Variants in CPAP observed in about 807,000 individuals in gnomAD.
CPAP encodes centrosome assembly and centriole elongation protein.
the CPAP span, among the ~76,000 whole-genome samples, chr13:24,898,953 G>A: frequency 2.0e-5 from 3 of 152,054 alleles, no homozygotes; most frequent in African/African-American, 7.2e-5. Context: ...TTTTTTTCTA[G>A]AAGGTTTATA....
At chr13:24,909,824 A>T in the CPAP span, 173 of 1,613,350 alleles carry the variant, frequency 1.1e-4, no homozygotes, top group Non-Finnish European at 1.1e-4. Context: ...CTTTTAAATT[A>T]TTTTTTTCCA....
the CPAP span, among the ~76,000 whole-genome samples, chr13:24,915,675 G>A: frequency 6.6e-6 from 1 of 152,010 alleles, no homozygotes; most frequent in Admixed American, 6.5e-5. Context: ...TGTGGTGGCG[G>A]GAGCCTGTAA....
chr13:24,901,251 T>C, the CPAP span, among the ~76,000 whole-genome samples: 1 of 152,312 alleles, frequency 6.6e-6, no homozygotes, highest in South Asian at 2.1e-4. Context: ...GAAAGTTAAA[T>C]ATCCTGATAA....
chr13:24,918,849 T>C, the CPAP span, among the ~76,000 whole-genome samples: 1 of 151,934 alleles, frequency 6.6e-6, no homozygotes, highest in Admixed American at 6.6e-5. Flanking sequence ...GTGACAGAAG[T>C]GGAAGAAAAT....
the CPAP span, among the ~76,000 whole-genome samples, chr13:24,895,128 C>A: frequency 6.6e-6 from 1 of 152,236 alleles, no homozygotes; most frequent in Admixed American, 6.5e-5. Flanking sequence ...GGGAAGAAAG[C>A]GCAGAAGCCA....
chr13:24,912,472 G>T, the CPAP span: 1 of 912,070 alleles, frequency 1.1e-6, no homozygotes, highest in Non-Finnish European at 1.7e-6. Flanking sequence ...GGTATTCTGA[G>T]GATTTCAGAG....
chr13:24,932,638 T>C, the CPAP span, among the ~76,000 whole-genome samples: 2 of 152,230 alleles, frequency 1.3e-5, no homozygotes, highest in South Asian at 2.1e-4. Context: ...TAGAATTATA[T>C]ACAAAAACCC....
At chr13:24,883,407 A>AAAT in the CPAP span, 6 of 1,453,026 alleles carry the variant, frequency 4.1e-6, no homozygotes, top group East Asian at 7.4e-5. Context: ...CTTAAAAAAA[A>AAAT]AATAATAGAA....
chr13:24,882,695 A>ATAAT, the CPAP span: 1 of 158,692 alleles, frequency 6.3e-6, no homozygotes, highest in African/African-American at 2.4e-5. Context: ...TTCTGTTATA[A>ATAAT]TAATTAATGA....
chr13:24,885,288 A>G, the CPAP span: 4 of 1,599,390 alleles, frequency 2.5e-6, no homozygotes, highest in Non-Finnish European at 3.4e-6. Context: ...TTCCATCAGG[A>G]TGACTGATTT....
chr13:24,900,432 T>G, the CPAP span, among the ~76,000 whole-genome samples: 3 of 152,194 alleles, frequency 2.0e-5, no homozygotes, highest in African/African-American at 7.2e-5. Context: ...GAGCTGGACC[T>G]GAGGTCAGGA....
chr13:24,907,930 AG>A, the CPAP span: 1 of 994,898 alleles, frequency 1.0e-6, no homozygotes, highest in Non-Finnish European at 1.6e-6. Flanking sequence ...AGAAAAATAT[AG>A]ATCTTTCAAA....
At chr13:24,915,367 T>G in the CPAP span, among the ~76,000 whole-genome samples, 1 of 152,086 alleles carries the variant, frequency 6.6e-6, no homozygotes, top group South Asian at 2.1e-4. Flanking sequence ...ATAGAGACAC[T>G]GGGTCAGCAG....
the CPAP span, among the ~76,000 whole-genome samples, chr13:24,922,087 CAT>C: frequency 3.3e-5 from 5 of 152,164 alleles, no homozygotes; most frequent in Admixed American, 6.5e-5. Context: ...TGCATTTAAA[CAT>C]GTGCCATTTT....
the CPAP span, among the ~76,000 whole-genome samples, chr13:24,933,904 T>C: frequency 6.8e-6 from 1 of 146,424 alleles, no homozygotes; most frequent in African/African-American, 2.8e-5. Flanking sequence ...TTTGTACTTT[T>C]AGTAGAGACA....
At chr13:24,902,439 T>C in the CPAP span, among the ~76,000 whole-genome samples, 11 of 152,300 alleles carry the variant, frequency 7.2e-5, no homozygotes, top group East Asian at 1.4e-3. Context: ...ACAGTATGTA[T>C]CAGCTGAAAA....
At chr13:24,908,619 C>T in the CPAP span, among the ~76,000 whole-genome samples, 3,220 of 72,460 alleles carry the variant, frequency 0.044, 53 homozygotes, top group South Asian at 0.078. Context: ...AAAATAAAGA[C>T]ACTTGACATT....
the CPAP span, chr13:24,933,162 T>C: frequency 1.3e-6 from 2 of 1,498,110 alleles, no homozygotes; most frequent in Non-Finnish European, 9.3e-7. Flanking sequence ...TAAACTACAG[T>C]GTGATAAAAC....
At chr13:24,882,657 T>C in the CPAP span, 26 of 157,036 alleles carry the variant, frequency 1.7e-4, no homozygotes, top group South Asian at 2.1e-3. Context: ...GTGACCTATT[T>C]ATATTCATCC....
Sources: allele counts gnomAD v4.1 joint callset (sites outside exome capture counted in the v4.1 genomes callset), GRCh38; gene constraint gnomAD v4.1.1; transcripts MANE v1.5; gene names NCBI Gene and HGNC (gene_info 2026-07-23, HGNC 2026-07-21).